The following CEP162 variants were observed in gnomAD, a reference collection of about 807,000 sequenced individuals.
CEP162 encodes centrosomal protein of 162 kDa.
Under a neutral mutation model 169.2 loss-of-function variants are expected in CEP162, and 141 were observed. The ratio of observed to expected loss-of-function variants is 0.83; its 90% CI spans 0.73 to 0.96. The LOEUF (loss-of-function observed/expected upper bound fraction) is 0.96. Among genes scored for constraint, CEP162 ranks in the 40% least tolerant of loss-of-function variants. The pLI is 0.00. For missense variants in CEP162, 1,600 were observed against 1,587.2 expected (o/e 1.01, Z -0.14); for synonymous variants, 540 against 526.4 (o/e 1.03, Z -0.35).
intron 13 of CEP162, among the ~76,000 whole-genome samples, chr6:84,176,892 TA>T (rs200157264): frequency 8.7e-4 from 132 of 151,878 alleles, no homozygotes; most frequent in African/African-American, 3.0e-3. Flanking sequence ...ATATTTATTT[TA>T]ATTTTTTTTT....
At chr6:84,178,169 T>C (rs967206226) in intron 13 of CEP162, among the ~76,000 whole-genome samples, 3 of 152,212 alleles carry the variant, frequency 2.0e-5, no homozygotes, top group Non-Finnish European at 4.4e-5. Context: ...TGTAAAAAGT[T>C]ATGACATTTA....
At chr6:84,160,992 T>C (rs2099525519) in intron 20 of CEP162, 76 bp from the exon 21 acceptor site, 1 of 963,834 alleles carries the variant, frequency 1.0e-6, no homozygotes, top group Non-Finnish European at 1.6e-6. Flanking sequence ...AGCATAATAT[T>C]AGTGCACTCA....
chr6:84,218,567 G>T (rs2099552468), intron 3 of CEP162, among the ~76,000 whole-genome samples: 1 of 151,952 alleles, frequency 6.6e-6, no homozygotes, highest in African/African-American at 2.4e-5. Flanking sequence ...TTTGTTCTTT[G>T]TTTTCTTCAA....
intron 8 of CEP162, 145 bp downstream of exon 8, chr6:84,201,592 A>G (rs987709596): frequency 6.1e-5 from 35 of 569,912 alleles, no homozygotes; most frequent in Non-Finnish European, 1.1e-4. Flanking sequence ...AGATAGAAAC[A>G]CATTATTGAG....
intron 25 of CEP162, among the ~76,000 whole-genome samples, chr6:84,128,542 T>G (rs2099509863): frequency 6.6e-6 from 1 of 152,118 alleles, no homozygotes; most frequent in Admixed American, 6.5e-5. Context: ...TGGTGGTCGG[T>G]AAGCCACCAT....
intron 13 of CEP162, among the ~76,000 whole-genome samples, chr6:84,177,612 T>C (rs532034539): frequency 6.6e-6 from 1 of 152,294 alleles, no homozygotes; most frequent in South Asian, 2.1e-4. Context: ...CTCGGCTCAC[T>C]GCAACCTCCG....
chr6:84,151,205 C>T (rs760766173), intron 23 of CEP162, among the ~76,000 whole-genome samples: 9 of 151,674 alleles, frequency 5.9e-5, no homozygotes, highest in East Asian at 1.9e-4. Flanking sequence ...TGAGAGTCAC[C>T]GGAGAGCAGA....
At chr6:84,201,646 C>A (rs41271609) in intron 8 of CEP162, 91 bp downstream of exon 8, 27,853 of 656,478 alleles carry the variant, frequency 0.042, 793 homozygotes, top group Admixed American at 0.097. Context: ...TAAAAACAAA[C>A]ACAGATAGTG....
At chr6:84,190,451 T>C (rs1171944050) in intron 11 of CEP162, among the ~76,000 whole-genome samples, 1 of 152,150 alleles carries the variant, frequency 6.6e-6, no homozygotes, top group Non-Finnish European at 1.5e-5. Flanking sequence ...CTTTCGCTCT[T>C]TGCAATAAGT....
chr6:84,183,174 C>A (rs2099535672), intron 13 of CEP162, among the ~76,000 whole-genome samples: 1 of 151,854 alleles, frequency 6.6e-6, no homozygotes, highest in African/African-American at 2.4e-5. Context: ...TTTTGGATGT[C>A]ACAAATGCTA....
Position 84,152,639 on chromosome 6 carries a change from A to T in CEP162, c.3535T>A (p.Leu1179Ile), listed in dbSNP as rs1205996435. 1 of 1,596,384 alleles carries T rather than the reference A, an allele frequency of 6.3e-7. No homozygotes were observed. Among genetic ancestry groups the T allele is most frequent in the Admixed American group, 1.7e-5 (1 of 57,276 alleles). ...ATTAATCCTTCTAGCTCATTTTTTA[A>T]TCTGTAGTTTTCTTGTAAAACTTCT... ...VSEVLQENYRLKNELEGLISE... is the reference protein window; with the variant it reads ...VSEVLQENYRIKNELEGLISE... The change falls in exon 23 of 27, where the codon TTA becomes ATA. Residue 1179 changes from leucine (L) to isoleucine (I), a missense_variant. Leu to Ile is a conservative substitution (Grantham distance 5). Coordinates refer to ENST00000403245, the MANE Select transcript of CEP162 (RefSeq NM_014895.4).
intron 18 of CEP162, among the ~76,000 whole-genome samples, chr6:84,164,710 A>C (rs1043781312): frequency 3.3e-5 from 5 of 152,038 alleles, no homozygotes; most frequent in Non-Finnish European, 7.4e-5. Flanking sequence ...GTGAGGGGCA[A>C]GGGGAGGAGA....
At chr6:84,216,427 T>C (rs765759421) in intron 3 of CEP162, among the ~76,000 whole-genome samples, 5 of 152,064 alleles carry the variant, frequency 3.3e-5, no homozygotes, top group Admixed American at 6.6e-5. Flanking sequence ...TAGATGGAAA[T>C]AGTAAAAGCT....
At chr6:84,213,371 A>G (rs1201677735) in intron 5 of CEP162, among the ~76,000 whole-genome samples, 1 of 152,206 alleles carries the variant, frequency 6.6e-6, no homozygotes, top group Non-Finnish European at 1.5e-5. Context: ...ACCACAAGCT[A>G]TGAGAACCAG....
chr6:84,213,569 A>T (rs894865536), intron 5 of CEP162, among the ~76,000 whole-genome samples: 1 of 152,208 alleles, frequency 6.6e-6, no homozygotes, highest in East Asian at 1.9e-4. Context: ...TCTCAAACCA[A>T]GAATCAGTTC....
At chr6:84,150,462 C>T (rs1588733744) in intron 23 of CEP162, among the ~76,000 whole-genome samples, 2 of 152,142 alleles carry the variant, frequency 1.3e-5, no homozygotes, top group Non-Finnish European at 2.9e-5. Flanking sequence ...ACAAATTTAT[C>T]CATTGCTTAT....
intron 11 of CEP162, among the ~76,000 whole-genome samples, chr6:84,189,802 G>T (rs568366882): frequency 6.6e-6 from 1 of 152,242 alleles, no homozygotes; most frequent in East Asian, 1.9e-4. Context: ...GCCCCGGTGC[G>T]GGATCCACTA....
chr6:84,192,811 T>C (rs2099540459), intron 11 of CEP162, among the ~76,000 whole-genome samples: 1 of 152,258 alleles, frequency 6.6e-6, no homozygotes, highest in East Asian at 1.9e-4. Context: ...GCTTTATTTA[T>C]TTTAATCTCT....
intron 6 of CEP162, 67 bp downstream of exon 6, chr6:84,212,890 T>C (rs1267558397): frequency 2.5e-5 from 24 of 965,666 alleles, no homozygotes; most frequent in Non-Finnish European, 3.3e-5. Context: ...ATTTTTCTTA[T>C]TAATGTCTTT....
Sources: allele counts gnomAD v4.1 joint callset (sites outside exome capture counted in the v4.1 genomes callset), GRCh38; gene constraint gnomAD v4.1.1; transcripts MANE v1.5; gene names NCBI Gene and HGNC (gene_info 2026-07-23, HGNC 2026-07-21).